The following TENM3 variants were observed in gnomAD, a reference collection of about 807,000 sequenced individuals.
TENM3 encodes teneurin-3.
Under a neutral mutation model 255.1 loss-of-function variants are expected in TENM3, and 63 were observed. The ratio of observed to expected loss-of-function variants is 0.25; its 90% confidence interval spans 0.20 to 0.30. TENM3 has a LOEUF of 0.30. Among genes scored for constraint, TENM3 ranks in the 10% least tolerant of loss-of-function variants. The pLI is 1.00. For missense variants in TENM3, 2,929 were observed against 3,461.1 expected (o/e 0.85, Z 3.86); for synonymous variants, 1,306 against 1,322.3 (o/e 0.99, Z 0.27).
the TENM3 span, among the ~76,000 whole-genome samples, chr4:181,935,183 C>T: frequency 1.3e-5 from 2 of 152,158 alleles, no homozygotes; most frequent in Admixed American, 6.5e-5. Flanking sequence ...ATAATAACAC[C>T]TGTATCTCTA....
chr4:182,750,140 G>C (rs1484907276), intron 19 of TENM3, among the ~76,000 whole-genome samples: 1 of 152,196 alleles, frequency 6.6e-6, no homozygotes. Flanking sequence ...ATAACACTTA[G>C]CACAGCAAGT....
intron 5 of TENM3, among the ~76,000 whole-genome samples, chr4:182,653,338 C>T (rs192318990): frequency 1.1e-4 from 17 of 152,210 alleles, no homozygotes; most frequent in African/African-American, 3.1e-4. Flanking sequence ...TTTACCTTAA[C>T]GCAAAGGTAG....
At chr4:182,200,625 A>G (rs2149826663) in intron 1 of TENM3, among the ~76,000 whole-genome samples, 1 of 152,316 alleles carries the variant, frequency 6.6e-6, no homozygotes, top group East Asian at 1.9e-4. Context: ...TTAGCCTATA[A>G]GAAAGAACAC....
the TENM3 span, among the ~76,000 whole-genome samples, chr4:181,448,898 A>G: frequency 6.6e-6 from 1 of 152,222 alleles, no homozygotes; most frequent in Non-Finnish European, 1.5e-5. Flanking sequence ...TTTATAAACA[A>G]GAATTATAAA....
the TENM3 span, among the ~76,000 whole-genome samples, chr4:182,111,745 G>A: frequency 5.3e-5 from 8 of 152,244 alleles, no homozygotes; most frequent in Admixed American, 5.2e-4. Context: ...AGCTGTCTTG[G>A]CATACCTCAA....
intron 22 of TENM3, among the ~76,000 whole-genome samples, chr4:182,766,682 G>C (rs190380620): frequency 2.0e-3 from 310 of 152,228 alleles, no homozygotes; most frequent in African/African-American, 6.8e-3. Context: ...AGAGAGGAGT[G>C]GGGGAGGCTC....
At chr4:182,251,454 C>T (rs1047927369) in intron 1 of TENM3, among the ~76,000 whole-genome samples, 2 of 152,256 alleles carry the variant, frequency 1.3e-5, no homozygotes, top group African/African-American at 2.4e-5. Flanking sequence ...GGTGACACAG[C>T]GAGACCCTGT....
chr4:182,213,174 A>G (rs1274979445), intron 1 of TENM3, among the ~76,000 whole-genome samples: 1 of 152,242 alleles, frequency 6.6e-6, no homozygotes, highest in African/African-American at 2.4e-5. Context: ...TTAAGCTTCT[A>G]AAGAACTTCT....
the TENM3 span, among the ~76,000 whole-genome samples, chr4:181,564,028 C>CTTTTTTTTTTTTTTTTTTTTTTTTTTTTT: frequency 2.1e-5 from 2 of 94,714 alleles, 1 homozygote; most frequent in Non-Finnish European, 4.3e-5. Context: ...CTTTTCTTTT[C>CTTTTTTTTTTTTTTTTTTTTTTTTTTTTT]TTTTCTTTTT....
the TENM3 span, among the ~76,000 whole-genome samples, chr4:181,982,694 G>A: frequency 2.6e-5 from 4 of 152,144 alleles, no homozygotes; most frequent in Non-Finnish European, 4.4e-5. Context: ...GCTGAATATG[G>A]ATTCAATTGT....
the TENM3 span, among the ~76,000 whole-genome samples, chr4:181,495,920 A>AAAAT: frequency 3.3e-5 from 5 of 151,210 alleles, no homozygotes; most frequent in Admixed American, 6.6e-5. Context: ...AAAAAAAAAA[A>AAAAT]AAGAAACATA....
the TENM3 span, among the ~76,000 whole-genome samples, chr4:181,518,724 G>T: frequency 2.0e-5 from 3 of 152,266 alleles, no homozygotes; most frequent in East Asian, 3.9e-4. Context: ...ACCTTGTCTG[G>T]CCAGGGCTTG....
chr4:182,641,133 G>C (rs917646975), intron 5 of TENM3, among the ~76,000 whole-genome samples: 1 of 152,138 alleles, frequency 6.6e-6, no homozygotes, highest in Non-Finnish European at 1.5e-5. Context: ...TGAGCTGCTC[G>C]TGCCTACATT....
At chr4:182,117,647 T>C in the TENM3 span, among the ~76,000 whole-genome samples, 16 of 152,226 alleles carry the variant, frequency 1.1e-4, no homozygotes, top group Non-Finnish European at 1.9e-4. Flanking sequence ...TTCTGTTCCA[T>C]AGATATATTT....
the TENM3 span, among the ~76,000 whole-genome samples, chr4:181,845,489 A>C: frequency 0.088 from 13,442 of 152,232 alleles, 729 homozygotes; most frequent in South Asian, 0.16. Context: ...GGAAGGAAAT[A>C]TATATTATAT....
the TENM3 span, among the ~76,000 whole-genome samples, chr4:181,837,926 T>G: frequency 1.3e-5 from 2 of 151,910 alleles, 1 homozygote; most frequent in Non-Finnish European, 2.9e-5. Flanking sequence ...GATCACGAGG[T>G]CAAGAGTTTG....
At chr4:182,549,037 C>T (rs55705737) in intron 3 of TENM3, among the ~76,000 whole-genome samples, 28,537 of 152,174 alleles carry the variant, frequency 0.19, 3,525 homozygotes, top group African/African-American at 0.34. Context: ...CCAGCAATAA[C>T]TTAACTAAGT....
chr4:182,682,232 T>G (rs1045183137), intron 11 of TENM3, among the ~76,000 whole-genome samples: 4 of 152,212 alleles, frequency 2.6e-5, no homozygotes, highest in African/African-American at 7.2e-5. Flanking sequence ...TTTAGTATTA[T>G]GCGGAGACTC....
At chr4:181,802,869 A>C in the TENM3 span, among the ~76,000 whole-genome samples, 1 of 152,210 alleles carries the variant, frequency 6.6e-6, no homozygotes, top group Non-Finnish European at 1.5e-5. Context: ...ATACACACTA[A>C]TATCAAATAA....
Sources: gnomAD v4.1 joint callset for allele counts (sites outside exome capture counted in the v4.1 genomes callset) on GRCh38, gnomAD v4.1.1 for gene constraint, MANE v1.5 for transcripts, NCBI Gene and HGNC (gene_info 2026-07-23, HGNC 2026-07-21) for gene names.